CNTN6: variants seen among roughly 807,000 people sequenced by gnomAD.
CNTN6 encodes contactin 6.
In CNTN6, 137 loss-of-function variants were observed where a neutral mutation model predicts 122.8. That is an observed-to-expected ratio of 1.12 (90% CI 0.97 to 1.29). CNTN6 has a LOEUF of 1.29. CNTN6 is among the 50% of genes most tolerant of loss of function. CNTN6 has a pLI of 0.00. For synonymous variants in CNTN6, 570 were observed against 426.0 expected (o/e 1.34, Z -4.16); for missense variants, 1,634 against 1,223.4 (o/e 1.34, Z -5.01).
At chr3:1,170,236 C>CA (rs10525769) in intron 2 of CNTN6, among the ~76,000 whole-genome samples, 14,765 of 106,780 alleles carry the variant, frequency 0.14, 3,425 homozygotes, top group Non-Finnish European at 0.2. Flanking sequence ...GGCTCCATCT[C>CA]AAAAAAAAAA....
intron 1 of CNTN6, among the ~76,000 whole-genome samples, chr3:1,138,352 CT>C (rs554869288): frequency 0.045 from 6,656 of 147,164 alleles, 469 homozygotes; most frequent in African/African-American, 0.15. Context: ...TTATTCTCTG[CT>C]TTTTTTTTTT....
At chr3:1,366,426 C>T (rs1169994766) in intron 12 of CNTN6, among the ~76,000 whole-genome samples, 1 of 152,088 alleles carries the variant, frequency 6.6e-6, no homozygotes, top group East Asian at 1.9e-4. Flanking sequence ...TGCAGCTACT[C>T]TACTGGCACA....
rs2093862065 is a variant in CNTN6, at chr3:1,201,099, T to TGTGTGTGTGTGTG, written c.56-19588_56-19587insGTGTGTGTGTGTG. Among the ~76,000 whole-genome samples, 169 of 130,082 alleles carry TGTGTGTGTGTGTG rather than the reference T, an allele frequency of 1.3e-3. 1 individual carries two copies. The highest frequency in any genetic ancestry group is 4.5e-3 in the African/African-American group (158 of 34,942). The allele number at this position is 130,082 out of a possible 152,430, so 85.3% of individuals were successfully genotyped here. A position where few individuals can be genotyped will look rare whatever the true frequency, so the allele number is the denominator to read the frequency against. On this transcript the variant is annotated intron_variant, in intron 2 of 22. Coordinates refer to ENST00000446702, the MANE Select transcript of CNTN6 (RefSeq NM_001289080.2). ...GGCACCACTGTGCCCAGCTAACATT[T>TGTGTGTGTGTGTG]TGTGTGTGTGTGTGTGTGTGTGTGT...
intron 1 of CNTN6, among the ~76,000 whole-genome samples, chr3:1,119,353 G>GTGTGTGTGTGTGT (rs377642286): frequency 8.7e-5 from 13 of 150,250 alleles, no homozygotes; most frequent in Non-Finnish European, 1.5e-4. Flanking sequence ...GTGTGTGTGT[G>GTGTGTGTGTGTGT]GAGAATGTCT....
At chr3:1,110,031 G>A (rs1170925377) in intron 1 of CNTN6, among the ~76,000 whole-genome samples, 2 of 151,974 alleles carry the variant, frequency 1.3e-5, no homozygotes, top group Non-Finnish European at 2.9e-5. Context: ...TTATTTATCA[G>A]CTTTTCCATT....
At chr3:1,281,111 A>T (rs1693335846) in intron 5 of CNTN6, among the ~76,000 whole-genome samples, 1 of 152,180 alleles carries the variant, frequency 6.6e-6, no homozygotes, top group South Asian at 2.1e-4. Context: ...CTAATCATGG[A>T]TATGATCTCT....
At chr3:1,309,302 A>T (rs1161321968) in intron 7 of CNTN6, among the ~76,000 whole-genome samples, 2 of 152,132 alleles carry the variant, frequency 1.3e-5, no homozygotes. Flanking sequence ...TTTTGCATTA[A>T]TTTTTGTGAA....
At chr3:1,286,905 AG>A (rs1179652813) in intron 5 of CNTN6, among the ~76,000 whole-genome samples, 1 of 152,226 alleles carries the variant, frequency 6.6e-6, no homozygotes, top group African/African-American at 2.4e-5. Flanking sequence ...AGCAGAAAAA[AG>A]CAGGGGTTGC....
At chr3:1,232,260 C>G (rs2094361476) in intron 4 of CNTN6, among the ~76,000 whole-genome samples, 1 of 152,044 alleles carries the variant, frequency 6.6e-6, no homozygotes, top group Non-Finnish European at 1.5e-5. Context: ...TAAGTTTGCT[C>G]CATTATTGCA....
chr3:1,376,218 G>A (rs1709838248), intron 16 of CNTN6, among the ~76,000 whole-genome samples: 5 of 152,026 alleles, frequency 3.3e-5, no homozygotes. Context: ...ATTCTCGTGA[G>A]GCACTACAAT....
intron 2 of CNTN6, among the ~76,000 whole-genome samples, chr3:1,215,275 G>T (rs1249302686): frequency 2.6e-5 from 4 of 152,124 alleles, no homozygotes; most frequent in Non-Finnish European, 5.9e-5. Context: ...TGACATCAAG[G>T]ATCTTAATGT....
Position 1,278,428 on chromosome 3 carries a change from A to C in CNTN6, c.374A>C (p.Glu125Ala). Residue 125 changes from glutamate to alanine, a missense_variant, in exon 5 of 23, where the codon GAA becomes GCA. By Grantham distance (107) the Glu-to-Ala change is moderately radical (BLOSUM62 -1). Coordinates refer to ENST00000446702, the MANE Select transcript of CNTN6 (RefSeq NM_001289080.2). The part of the protein sequence containing the change: ...KLQFAYIEDF[E>A]TKTRSTVSVR... ...GTTTTCCAAGATATTGAAGACTTTG[A>C]AACTAAAACAAGAAGCACAGTATCT... 6.2e-6 allele frequency: 10 copies of C among 1,606,482 alleles called. No homozygotes were observed. The highest frequency in any genetic ancestry group is 1.1e-5 in the South Asian group (1 of 90,188).
chr3:1,328,036 C>A (rs982234962), intron 10 of CNTN6, among the ~76,000 whole-genome samples: 1 of 151,828 alleles, frequency 6.6e-6, no homozygotes, highest in African/African-American at 2.4e-5. Context: ...CCTTCAGCAT[C>A]AAAGCCTCAT....
At chr3:1,110,243 A>G (rs1278210592) in intron 1 of CNTN6, among the ~76,000 whole-genome samples, 2 of 152,126 alleles carry the variant, frequency 1.3e-5, no homozygotes, top group Non-Finnish European at 2.9e-5. Flanking sequence ...GGAAATGTAA[A>G]TAGTCAATCT....
chr3:1,400,976 G>A (rs1695614706), intron 20 of CNTN6, among the ~76,000 whole-genome samples: 1 of 152,028 alleles, frequency 6.6e-6, no homozygotes, highest in African/African-American at 2.4e-5. Flanking sequence ...TGAGTTAGTT[G>A]TGTTACAGTT....
At chr3:1,117,767 C>A (rs777254035) in intron 1 of CNTN6, among the ~76,000 whole-genome samples, 1 of 152,060 alleles carries the variant, frequency 6.6e-6, no homozygotes, top group African/African-American at 2.4e-5. Flanking sequence ...TTTAATGTTC[C>A]CAGAGGTATT....
chr3:1,242,793 G>A (rs1013675886), intron 4 of CNTN6, among the ~76,000 whole-genome samples: 1 of 152,100 alleles, frequency 6.6e-6, no homozygotes. Context: ...AAGGGAACTG[G>A]GCAGGTGGGG....
At chr3:1,217,876 A>G (rs2094149985) in intron 2 of CNTN6, among the ~76,000 whole-genome samples, 1 of 152,158 alleles carries the variant, frequency 6.6e-6, no homozygotes, top group South Asian at 2.1e-4. Context: ...TGGGGAAGAA[A>G]TATTTTGGTT....
chr3:1,139,180 G>C (rs2092554075), intron 1 of CNTN6, among the ~76,000 whole-genome samples: 1 of 152,056 alleles, frequency 6.6e-6, no homozygotes, highest in Non-Finnish European at 1.5e-5. Context: ...GTTTAGTAAT[G>C]GCAACAGTGA....
Sources: allele counts gnomAD v4.1 joint callset (sites outside exome capture counted in the v4.1 genomes callset), GRCh38; gene constraint gnomAD v4.1.1; transcripts MANE v1.5; gene names NCBI Gene and HGNC (gene_info 2026-07-23, HGNC 2026-07-21).